The following STARD13 variants were observed in gnomAD, a reference collection of about 807,000 sequenced individuals.
STARD13 encodes the protein StAR related lipid transfer domain containing 13, also known as stAR-related lipid transfer protein 13.
Under a neutral mutation model 106.4 loss-of-function variants are expected in STARD13, and 62 were observed. The observed-to-expected ratio is 0.58, with a 90% CI of 0.48 to 0.72. STARD13 has a LOEUF of 0.72. STARD13 is among the 30% of genes least tolerant of loss of function. STARD13 has a pLI of 0.00. For missense variants in STARD13, 1,387 were observed against 1,424.0 expected, an observed-to-expected ratio of 0.97 and a Z score of 0.42; for synonymous variants, 565 against 553.0, an observed-to-expected ratio of 1.02 and a Z score of -0.31.
At chr13:33,300,589 C>A (rs373305859) in intron 1 of STARD13, among the ~76,000 whole-genome samples, 4 of 152,128 alleles carry the variant, frequency 2.6e-5, no homozygotes, top group Non-Finnish European at 4.4e-5. Flanking sequence ...GCTTACTTTA[C>A]GTGAAATGCT....
At chr13:33,543,393 C>A in the STARD13 span, among the ~76,000 whole-genome samples, 1 of 152,090 alleles carries the variant, frequency 6.6e-6, no homozygotes, top group Non-Finnish European at 1.5e-5. Context: ...AATGTAGATT[C>A]GTTTGCATGT....
At chr13:33,343,589 A>AAAC (rs1555264018) in intron 1 of STARD13, among the ~76,000 whole-genome samples, 17 of 91,824 alleles carry the variant, frequency 1.9e-4, no homozygotes, top group Non-Finnish European at 2.8e-4. Context: ...AAAAAAAAAA[A>AAAC]AAAAAAAACA....
the STARD13 span, among the ~76,000 whole-genome samples, chr13:33,458,787 G>A: frequency 6.7e-6 from 1 of 150,030 alleles, no homozygotes; most frequent in South Asian, 2.1e-4. Context: ...GCGCTTCTGA[G>A]TGAGGAACAA....
At chr13:33,528,271 T>C in the STARD13 span, among the ~76,000 whole-genome samples, 34,694 of 127,108 alleles carry the variant, frequency 0.27, 6,288 homozygotes, top group Non-Finnish European at 0.35. Context: ...TATATATATA[T>C]ATACTCTTTT....
the STARD13 span, among the ~76,000 whole-genome samples, chr13:33,630,498 G>T: frequency 2.6e-5 from 4 of 152,120 alleles, no homozygotes; most frequent in Non-Finnish European, 5.9e-5. Context: ...TGTAGATTGC[G>T]TACCTTGCGT....
the STARD13 span, among the ~76,000 whole-genome samples, chr13:33,541,062 G>C: frequency 6.6e-6 from 1 of 152,234 alleles, no homozygotes; most frequent in Non-Finnish European, 1.5e-5. Flanking sequence ...TGTACTCTTT[G>C]AACTGTGAAG....
chr13:33,643,719 C>A, the STARD13 span, among the ~76,000 whole-genome samples: 1 of 152,244 alleles, frequency 6.6e-6, no homozygotes, highest in Non-Finnish European at 1.5e-5. Flanking sequence ...TTCCCCCCAG[C>A]GCCTCTCTCA....
chr13:33,533,914 A>T, the STARD13 span, among the ~76,000 whole-genome samples: 1 of 152,198 alleles, frequency 6.6e-6, no homozygotes, highest in East Asian at 1.9e-4. Context: ...TTTCCATTAC[A>T]TGAATGTGTC....
chr13:33,519,306 T>C, the STARD13 span, among the ~76,000 whole-genome samples: 1 of 101,304 alleles, frequency 9.9e-6, no homozygotes, highest in South Asian at 3.0e-4. Context: ...TCTCTCTCTT[T>C]CTTTCTCTCT....
chr13:33,282,091 T>C (rs371609396), intron 1 of STARD13, among the ~76,000 whole-genome samples: 90 of 152,222 alleles, frequency 5.9e-4, no homozygotes, highest in African/African-American at 2.0e-3. Flanking sequence ...CTCTCTCCTA[T>C]CCACTCCCAA....
At chr13:33,551,882 G>A in the STARD13 span, among the ~76,000 whole-genome samples, 1 of 151,992 alleles carries the variant, frequency 6.6e-6, no homozygotes, top group South Asian at 2.1e-4. Flanking sequence ...ATAGGCATGA[G>A]CCACCACAGG....
intron 8 of STARD13, among the ~76,000 whole-genome samples, chr13:33,116,198 TGAATACA>T (rs1293869732): frequency 6.6e-6 from 1 of 152,222 alleles, no homozygotes; most frequent in African/African-American, 2.4e-5. Flanking sequence ...GCAAGCCAGA[TGAATACA>T]CTGGGCTCTC....
the STARD13 span, among the ~76,000 whole-genome samples, chr13:33,446,320 T>C: frequency 6.6e-6 from 1 of 152,034 alleles, no homozygotes; most frequent in Non-Finnish European, 1.5e-5. Context: ...ATTCTTTCCC[T>C]GACTCAGGCC....
the STARD13 span, among the ~76,000 whole-genome samples, chr13:33,624,776 A>G: frequency 6.6e-6 from 1 of 152,260 alleles, no homozygotes; most frequent in Non-Finnish European, 1.5e-5. Flanking sequence ...GATTAGTTAT[A>G]GATAACTTAA....
At chr13:33,532,052 T>C in the STARD13 span, among the ~76,000 whole-genome samples, 5 of 152,172 alleles carry the variant, frequency 3.3e-5, no homozygotes, top group African/African-American at 1.2e-4. Flanking sequence ...CATTTAGTCT[T>C]AGTTCTCCTA....
At chr13:33,119,454 A>T (rs1209301053) in intron 7 of STARD13, among the ~76,000 whole-genome samples, 1 of 151,912 alleles carries the variant, frequency 6.6e-6, no homozygotes, top group African/African-American at 2.4e-5. Flanking sequence ...CTTACTGATC[A>T]CTCTGTGTGC....
At chr13:33,328,482 C>A (rs2077801472) in intron 1 of STARD13, among the ~76,000 whole-genome samples, 1 of 152,224 alleles carries the variant, frequency 6.6e-6, no homozygotes, top group African/African-American at 2.4e-5. Context: ...TCCATCACTG[C>A]TAACTATTGT....
At chr13:33,284,569 T>C (rs1238334350) in intron 1 of STARD13, among the ~76,000 whole-genome samples, 1 of 152,100 alleles carries the variant, frequency 6.6e-6, no homozygotes, top group Non-Finnish European at 1.5e-5. Flanking sequence ...CTCTAAAAAT[T>C]CCTGGTTAAC....
chr13:33,443,458 CCAA>C, the STARD13 span, among the ~76,000 whole-genome samples: 2 of 37,670 alleles, frequency 5.3e-5, no homozygotes, highest in East Asian at 2.0e-3. Context: ...GGTCCCCCCC[CCAA>C]AAAAAAAACA....
Sources: allele counts gnomAD v4.1 joint callset (sites outside exome capture counted in the v4.1 genomes callset), GRCh38; gene constraint gnomAD v4.1.1; transcripts MANE v1.5; gene names NCBI Gene and HGNC (gene_info 2026-07-23, HGNC 2026-07-21).